Variants in ULK4 observed in about 807,000 individuals in gnomAD.
The protein encoded by ULK4 is inactive serine/threonine-protein kinase ULK4.
Under a neutral mutation model 160.6 loss-of-function variants are expected in ULK4, and 133 were observed. The observed-to-expected ratio is 0.83, with a 90% CI of 0.72 to 0.96. The LOEUF (loss-of-function observed/expected upper bound fraction) is 0.96. ULK4 is among the 40% of genes least tolerant of loss of function. The probability of loss-of-function intolerance (pLI) is 0.00; values close to 1 mark genes in which losing one functional copy is unlikely to be tolerated. For synonymous variants in ULK4, 534 were observed against 539.8 expected, an observed-to-expected ratio of 0.99 and a Z score of 0.15; for missense variants, 1,580 against 1,499.5, an observed-to-expected ratio of 1.05 and a Z score of -0.89.
chr3:41,953,127 G>A (rs1034091227), intron 2 of ULK4, among the ~76,000 whole-genome samples: 1 of 151,740 alleles, frequency 6.6e-6, no homozygotes, highest in Non-Finnish European at 1.5e-5. Context: ...GGAGGTGATA[G>A]CTGCACAGCA....
At chr3:41,295,934 A>G (rs2079659357) in intron 35 of ULK4, among the ~76,000 whole-genome samples, 1 of 152,242 alleles carries the variant, frequency 6.6e-6, no homozygotes, top group Non-Finnish European at 1.5e-5. Flanking sequence ...TTATGTCCAC[A>G]CAAAAGCTTA....
intron 17 of ULK4, among the ~76,000 whole-genome samples, chr3:41,873,539 GTTTGT>G (rs1697190318): frequency 6.6e-6 from 1 of 151,852 alleles, no homozygotes. Flanking sequence ...TTTTAGGTTT[GTTTGT>G]TTTGTGTTTG....
At chr3:41,626,471 A>C (rs1354787919) in intron 30 of ULK4, among the ~76,000 whole-genome samples, 1 of 152,166 alleles carries the variant, frequency 6.6e-6, no homozygotes, top group Non-Finnish European at 1.5e-5. Flanking sequence ...ATTATTAAAT[A>C]ATTAAAATGC....
chr3:41,351,489 T>G (rs2080908992), intron 35 of ULK4, among the ~76,000 whole-genome samples: 1 of 152,200 alleles, frequency 6.6e-6, no homozygotes, highest in Non-Finnish European at 1.5e-5. Flanking sequence ...CAGAGTACAT[T>G]CTGAAATACT....
intron 16 of ULK4, among the ~76,000 whole-genome samples, chr3:41,888,154 A>T (rs924644725): frequency 1.4e-5 from 2 of 143,658 alleles, no homozygotes; most frequent in African/African-American, 6.0e-5. Context: ...AAGAAACAAA[A>T]GAAAGAATAA....
intron 35 of ULK4, among the ~76,000 whole-genome samples, chr3:41,368,064 T>TC (rs780441167): frequency 1.3e-5 from 2 of 151,888 alleles, no homozygotes; most frequent in Non-Finnish European, 2.9e-5. Flanking sequence ...TTTTTTTTTT[T>TC]CGAGATGGAG....
At chr3:41,883,833 T>C (rs745769887) in intron 17 of ULK4, 41 bp downstream of exon 17, 2 of 1,488,344 alleles carry the variant, frequency 1.3e-6, no homozygotes, top group South Asian at 1.1e-5. Context: ...AAGAACAGTA[T>C]TTCTTGACAT....
chr3:41,840,441 T>C (rs2041878272), intron 17 of ULK4, among the ~76,000 whole-genome samples: 1 of 152,214 alleles, frequency 6.6e-6, no homozygotes, highest in African/African-American at 2.4e-5. Context: ...ACTGCCGTGG[T>C]CTCAGCTCGC....
At chr3:41,528,600 A>C (rs2086196962) in intron 32 of ULK4, among the ~76,000 whole-genome samples, 1 of 152,210 alleles carries the variant, frequency 6.6e-6, no homozygotes. Context: ...CATTAAGCAC[A>C]GTAAATTGTT....
intron 34 of ULK4, among the ~76,000 whole-genome samples, chr3:41,452,087 C>A (rs1350475713): frequency 6.6e-6 from 1 of 152,164 alleles, no homozygotes; most frequent in African/African-American, 2.4e-5. Flanking sequence ...TGTGGGGAAT[C>A]TTCTGATTTT....
chr3:41,912,691 T>C (rs1470768830), intron 9 of ULK4, 116 bp downstream of exon 9: 2 of 856,384 alleles, frequency 2.3e-6, no homozygotes, highest in African/African-American at 1.7e-5. Flanking sequence ...AAACGCTGGA[T>C]TTTCTCCTAC....
intron 32 of ULK4, among the ~76,000 whole-genome samples, chr3:41,470,044 A>AAAAAAAAAAAAT (rs1415943037): frequency 8.6e-6 from 1 of 116,688 alleles, no homozygotes; most frequent in Non-Finnish European, 1.8e-5. Flanking sequence ...AAAAAAAAAA[A>AAAAAAAAAAAAT]AACAAAGTAT....
At chr3:41,487,182 A>G (rs922795696) in intron 32 of ULK4, among the ~76,000 whole-genome samples, 7 of 152,156 alleles carry the variant, frequency 4.6e-5, no homozygotes, top group African/African-American at 7.2e-5. Flanking sequence ...AAATAATAAT[A>G]TAACACATTA....
At chr3:41,491,308 T>G (rs1450598835) in intron 32 of ULK4, among the ~76,000 whole-genome samples, 1 of 138,652 alleles carries the variant, frequency 7.2e-6, no homozygotes, top group Non-Finnish European at 1.6e-5. Context: ...ACAAAGTTGT[T>G]TTGGAAAAAA....
chr3:41,296,270 C>T (rs899997509), intron 35 of ULK4, among the ~76,000 whole-genome samples: 3 of 152,080 alleles, frequency 2.0e-5, no homozygotes, highest in Non-Finnish European at 2.9e-5. Flanking sequence ...CATAAAACTC[C>T]TCTAAAAAAT....
At chr3:41,477,977 C>T (rs1242442959) in intron 32 of ULK4, among the ~76,000 whole-genome samples, 1 of 152,254 alleles carries the variant, frequency 6.6e-6, no homozygotes, top group Admixed American at 6.5e-5. Flanking sequence ...TACAAGACCA[C>T]ATAGGTGTCT....
intron 31 of ULK4, among the ~76,000 whole-genome samples, chr3:41,574,531 CTTT>C (rs568406782): frequency 1.1e-3 from 98 of 92,094 alleles, no homozygotes; most frequent in African/African-American, 3.1e-3. Context: ...CCAGAGTCCT[CTTT>C]TTTTTTTTTT....
chr3:41,339,262 A>G (rs1373376280), intron 35 of ULK4, among the ~76,000 whole-genome samples: 1 of 152,140 alleles, frequency 6.6e-6, no homozygotes, highest in African/African-American at 2.4e-5. Flanking sequence ...AGCTCGCAGC[A>G]GGACTGCGCT....
intron 32 of ULK4, among the ~76,000 whole-genome samples, chr3:41,466,801 T>C (rs535070040): frequency 6.6e-6 from 1 of 152,306 alleles, no homozygotes; most frequent in African/African-American, 2.4e-5. Flanking sequence ...TATATGTGCA[T>C]GTGTGTGTCC....
Sources: gnomAD v4.1 joint callset for allele counts (sites outside exome capture counted in the v4.1 genomes callset) on GRCh38, gnomAD v4.1.1 for gene constraint, MANE v1.5 for transcripts, NCBI Gene and HGNC (gene_info 2026-07-23, HGNC 2026-07-21) for gene names.